The following ZNF638 variants were observed in gnomAD, a reference collection of about 807,000 sequenced individuals.
The protein encoded by ZNF638 is CTCL tumor antigen se33-1.
A neutral mutation model predicts 195.6 loss-of-function variants in ZNF638; 46 were observed. The observed-to-expected ratio is 0.24, with a 90% CI of 0.19 to 0.30. ZNF638 has a LOEUF of 0.30. Ranked by LOEUF, ZNF638 falls within the 10% of genes least tolerant of loss-of-function variation. ZNF638 has a pLI of 1.00. For synonymous variants in ZNF638, 845 were observed against 772.0 expected (o/e 1.09, Z -1.57); for missense variants, 2,440 against 2,325.3 (o/e 1.05, Z -1.01).
intron 20 of ZNF638, among the ~76,000 whole-genome samples, chr2:71,410,132 C>A (rs1321339695): frequency 6.6e-6 from 1 of 152,136 alleles, no homozygotes; most frequent in Non-Finnish European, 1.5e-5. Flanking sequence ...TTTTGTTCCT[C>A]TGAAAGGTTT....
At chr2:71,348,121 T>C (rs1187286251) in intron 1 of ZNF638, among the ~76,000 whole-genome samples, 1 of 152,248 alleles carries the variant, frequency 6.6e-6, no homozygotes, top group Non-Finnish European at 1.5e-5. Context: ...TGTTATGTAT[T>C]ATGTTCTATG....
intron 10 of ZNF638, among the ~76,000 whole-genome samples, chr2:71,384,001 T>C (rs60337577): frequency 0.057 from 8,680 of 152,134 alleles, 969 homozygotes; most frequent in East Asian, 0.56. Flanking sequence ...CATTTTCTTA[T>C]ATTATTTAAC....
rs1250016572 is a variant in ZNF638 at position 71,426,625 on chromosome 2, A to G, written c.4756A>G (p.Thr1586Ala). Residue 1586 changes from threonine (T) to alanine (A), a missense_variant, in exon 24 of 28, where the codon ACT becomes GCT. By Grantham distance (58) the Thr-to-Ala change is moderately conservative (BLOSUM62 0). Coordinates refer to ENST00000264447, the MANE Select transcript of ZNF638 (RefSeq NM_014497.5). ...TAACTTAAAGAAGAAAAAGGGGAAA[A>G]CTTCCACTCCTCGTGGTGTTGAGGG... Reference protein sequence around the residue: ...ELNLKKKKGKTSTPRGVEGEL... With the variant: ...ELNLKKKKGKASTPRGVEGEL... The G allele has an allele frequency of 6.2e-7, 1 of 1,614,112 alleles. No homozygotes were observed.
At chr2:71,372,184 C>G (rs2079326583) in intron 8 of ZNF638, among the ~76,000 whole-genome samples, 2 of 152,138 alleles carry the variant, frequency 1.3e-5, no homozygotes, top group South Asian at 4.1e-4. Flanking sequence ...AGCCCACTAG[C>G]TCTAATCCCA....
chr2:71,417,257 C>G (rs539250427), intron 20 of ZNF638, among the ~76,000 whole-genome samples: 29 of 151,702 alleles, frequency 1.9e-4, no homozygotes, highest in Admixed American at 3.9e-4. Flanking sequence ...CGTCCGTCAC[C>G]CCTTTCTTTG....
intron 13 of ZNF638, 75 bp from the exon 14 acceptor site, chr2:71,400,037 A>T: frequency 8.1e-7 from 1 of 1,238,606 alleles, no homozygotes; most frequent in Non-Finnish European, 1.1e-6. Flanking sequence ...AAACTAGCTT[A>T]AGTTCCTGTT....
chr2:71,386,767 C>T (rs138362388), intron 10 of ZNF638, among the ~76,000 whole-genome samples: 47 of 152,160 alleles, frequency 3.1e-4, no homozygotes, highest in African/African-American at 1.1e-3. Context: ...AAAAAGAAAA[C>T]TAAAATATTA....
intron 16 of ZNF638, 32 bp from the exon 17 acceptor site, chr2:71,403,838 T>A: frequency 2.1e-6 from 3 of 1,459,664 alleles, no homozygotes; most frequent in Non-Finnish European, 1.9e-6. Context: ...AACATAAGAT[T>A]TTTCTTGTTA....
chr2:71,411,565 G>A (rs1332942858), intron 20 of ZNF638, among the ~76,000 whole-genome samples: 6 of 115,618 alleles, frequency 5.2e-5, no homozygotes, highest in East Asian at 2.7e-4. Flanking sequence ...ATGCTGGTGC[G>A]CTGCACCCAC....
chr2:71,346,524 G>GA (rs2078852948), intron 1 of ZNF638, among the ~76,000 whole-genome samples: 4 of 152,138 alleles, frequency 2.6e-5, no homozygotes, highest in Non-Finnish European at 5.9e-5. Flanking sequence ...ACCTGTGCAT[G>GA]TTACTAATGA....
chr2:71,365,397 CAATTGA>C (rs766611403), intron 5 of ZNF638, 26 bp from the exon 6 acceptor site: 7 of 1,504,430 alleles, frequency 4.7e-6, no homozygotes, highest in Non-Finnish European at 6.2e-6. Flanking sequence ...AATTTTTTTC[CAATTGA>C]AATTATATTT....
intron 8 of ZNF638, chr2:71,376,398 G>GTTGTTGT (rs1558853024): frequency 6.6e-6 from 1 of 151,168 alleles, no homozygotes; most frequent in African/African-American, 2.4e-5. Flanking sequence ...TGTTTTTGTT[G>GTTGTTGT]TTGTTTGTTT....
At chr2:71,346,810 A>G (rs969710067) in intron 1 of ZNF638, among the ~76,000 whole-genome samples, 1 of 152,184 alleles carries the variant, frequency 6.6e-6, no homozygotes, top group Non-Finnish European at 1.5e-5. Context: ...ACTTGAGATC[A>G]GGAGTTTGAG....
intron 2 of ZNF638, among the ~76,000 whole-genome samples, chr2:71,354,362 A>G (rs1174372607): frequency 1.4e-5 from 2 of 144,842 alleles, no homozygotes; most frequent in African/African-American, 2.6e-5. Flanking sequence ...TTTTTTAACC[A>G]GATGTATCTT....
At chr2:71,367,498 A>T (rs1185714370) in intron 6 of ZNF638, among the ~76,000 whole-genome samples, 1 of 140,308 alleles carries the variant, frequency 7.1e-6, no homozygotes, top group African/African-American at 2.7e-5. Flanking sequence ...CAGTGGCGTG[A>T]TCTTGGCTCA....
chr2:71,349,540 A>G lies in ZNF638; in HGVS notation c.586A>G (p.Lys196Glu). Residue 196 changes from lysine to glutamate, a missense_variant, in exon 2 of 28, where the codon AAA becomes GAA. Lys to Glu is a moderately conservative substitution (Grantham distance 56, BLOSUM62 1). Coordinates refer to ENST00000264447, the MANE Select transcript of ZNF638 (RefSeq NM_014497.5). Reference protein sequence around the residue: ...LPNLPSQSRNKETLGSEAVSS... With the variant: ...LPNLPSQSRNEETLGSEAVSS... ...TAATTTACCTTCTCAGAGCAGAAATAAAGAAACACTTGGTAGTGAAGCAGT... is the reference window on the plus strand; with the variant it reads ...TAATTTACCTTCTCAGAGCAGAAATGAAGAAACACTTGGTAGTGAAGCAGT... The G allele has an allele frequency of 1.9e-6, 3 of 1,614,218 alleles. No homozygotes were observed. The highest frequency in any genetic ancestry group is 2.5e-6 in the Non-Finnish European group (3 of 1,180,026).
chr2:71,416,880 A>T (rs1447085494), intron 20 of ZNF638, among the ~76,000 whole-genome samples: 1 of 149,002 alleles, frequency 6.7e-6, no homozygotes, highest in African/African-American at 2.5e-5. Flanking sequence ...GCTCTCTTCA[A>T]AGCTGTCAGA....
Position 71,402,072 on chromosome 2 carries a change from A to C in ZNF638, c.2814A>C (p.Leu938Phe), listed in dbSNP as rs371096898. The change falls in exon 16 of 28, where the codon TTA becomes TTC. Residue 938 changes from leucine to phenylalanine, a missense_variant. Leu to Phe is a conservative substitution (Grantham distance 22). Coordinates refer to ENST00000264447, the MANE Select transcript of ZNF638 (RefSeq NM_014497.5). Reference protein sequence around the residue: ...PFGGLKDILILSSHKKAYIEI... With the variant: ...PFGGLKDILIFSSHKKAYIEI... The stretch of plus-strand genomic sequence containing the variant: ...GTGGTTTAAAGGATATCTTGATTTT[A>C]TCATCTCATAAAAAGGTAAGAGTTG... The C allele has an allele frequency of 5.2e-5, 83 of 1,605,820 alleles. No individual in the cohort carries two copies. The highest frequency in any genetic ancestry group is 6.9e-5 in the Non-Finnish European group (81 of 1,176,106).
chr2:71,420,396 A>C (rs1014409389), intron 21 of ZNF638, among the ~76,000 whole-genome samples: 3 of 152,212 alleles, frequency 2.0e-5, no homozygotes, highest in Non-Finnish European at 2.9e-5. Flanking sequence ...GATTAAAGCC[A>C]CAAATAAGAA....
Sources: gnomAD v4.1 joint callset for allele counts (sites outside exome capture counted in the v4.1 genomes callset) on GRCh38, gnomAD v4.1.1 for gene constraint, MANE v1.5 for transcripts, NCBI Gene and HGNC (gene_info 2026-07-23, HGNC 2026-07-21) for gene names.